The following ASAP2 variants were observed in gnomAD, a reference collection of about 807,000 sequenced individuals.
The protein encoded by ASAP2 is arf-GAP with SH3 domain, ANK repeat and PH domain-containing protein 2.
Under a neutral mutation model 131.4 loss-of-function variants are expected in ASAP2, and 45 were observed. That is an observed-to-expected ratio of 0.34 (90% CI 0.27 to 0.44). The LOEUF is 0.44. Among genes scored for constraint, ASAP2 ranks in the 20% least tolerant of loss-of-function variants. ASAP2 has a pLI of 1.00. For synonymous variants in ASAP2, 510 were observed against 503.0 expected, an observed-to-expected ratio of 1.01 and a Z score of -0.19; for missense variants, 1,011 against 1,297.0, an observed-to-expected ratio of 0.78 and a Z score of 3.39.
chr2:9,356,260 C>T lies in ASAP2; in HGVS notation c.1242C>T (p.Asn414=), dbSNP rs1370813232. 6.2e-7 allele frequency: 1 copy of T among 1,614,030 alleles called. No individual in the cohort carries two copies. The highest frequency in any genetic ancestry group is 1.7e-5 in the Admixed American group (1 of 60,006). The change falls in exon 14 of 28, where the codon AAC becomes AAT. Residue 414 remains asparagine (N), a synonymous_variant. Transcript: ENST00000281419. ...FKGDDNTGEN[N]IVQELTKEII... ...GGGATGACAATACTGGAGAAAATAA[C>T]ATCGTCCAAGAACTGACAAAGGAGA...
chr2:9,226,144 G>A (rs773219228), intron 1 of ASAP2, among the ~76,000 whole-genome samples: 2 of 152,196 alleles, frequency 1.3e-5, no homozygotes, highest in Non-Finnish European at 2.9e-5. Context: ...GTTGTTTGAA[G>A]TCCCACAGCT....
At chr2:9,285,445 A>G (rs1242759952) in intron 2 of ASAP2, among the ~76,000 whole-genome samples, 3 of 152,216 alleles carry the variant, frequency 2.0e-5, no homozygotes, top group African/African-American at 7.2e-5. Context: ...TAGTCAGTGC[A>G]TTATGTTTGC....
intron 15 of ASAP2, among the ~76,000 whole-genome samples, chr2:9,361,499 A>C (rs909655125): frequency 3.3e-5 from 5 of 151,854 alleles, no homozygotes; most frequent in African/African-American, 1.2e-4. Flanking sequence ...AAAGCTTGGA[A>C]ATTTCAAGGC....
At chr2:9,215,001 A>G (rs1661909907) in intron 1 of ASAP2, among the ~76,000 whole-genome samples, 1 of 152,192 alleles carries the variant, frequency 6.6e-6, no homozygotes, top group South Asian at 2.1e-4. Flanking sequence ...TGCATTGCTT[A>G]ATGACGAACA....
At chr2:9,321,493 G>A (rs1379888370) in intron 5 of ASAP2, among the ~76,000 whole-genome samples, 5 of 152,174 alleles carry the variant, frequency 3.3e-5, no homozygotes, top group Non-Finnish European at 7.3e-5. Flanking sequence ...GTGCCAGTTG[G>A]GTGAAATAAA....
intron 4 of ASAP2, among the ~76,000 whole-genome samples, chr2:9,318,806 G>T (rs556170557): frequency 2.0e-5 from 3 of 152,346 alleles, no homozygotes; most frequent in Admixed American, 6.5e-5. Flanking sequence ...CGTCCTGTTG[G>T]CACAACAAAG....
Position 9,313,411 on chromosome 2 carries a change from G to C in ASAP2, c.346-5113G>C, listed in dbSNP as rs542963789. 2.6e-5 allele frequency among the ~76,000 whole-genome samples: 4 copies of C among 151,964 alleles called. No individual in the cohort carries two copies. In the South Asian group the frequency reaches 8.3e-4, roughly 32 times the overall value. Reference sequence around the variant, plus strand: ...AGAATCTTGTTTTTCCCACTCACTCGTGTACATTCATGTTCATGTGTGTAC... The same window carrying C: ...AGAATCTTGTTTTTCCCACTCACTCCTGTACATTCATGTTCATGTGTGTAC... On this transcript the variant is annotated intron_variant, in intron 3 of 27. Transcript: ENST00000281419.
At chr2:9,270,905 G>A (rs1411914180) in intron 1 of ASAP2, among the ~76,000 whole-genome samples, 2 of 145,078 alleles carry the variant, frequency 1.4e-5, no homozygotes, top group African/African-American at 5.1e-5. Context: ...CCATTCTCCT[G>A]CCTCAGCCTC....
At chr2:9,231,679 CT>C (rs1572209117) in intron 1 of ASAP2, among the ~76,000 whole-genome samples, 1 of 152,184 alleles carries the variant, frequency 6.6e-6, no homozygotes, top group East Asian at 1.9e-4. Context: ...CTGCCTGGCC[CT>C]TGGGTGTCCC....
At chr2:9,253,701 C>G (rs1235265667) in intron 1 of ASAP2, among the ~76,000 whole-genome samples, 1 of 152,108 alleles carries the variant, frequency 6.6e-6, no homozygotes, top group African/African-American at 2.4e-5. Flanking sequence ...TTTTGCTTGA[C>G]CTAGTGCCCT....
intron 1 of ASAP2, among the ~76,000 whole-genome samples, chr2:9,249,667 G>A (rs569671510): frequency 2.0e-5 from 3 of 152,300 alleles, no homozygotes; most frequent in South Asian, 4.1e-4. Context: ...AAAGTTCACA[G>A]CCTGAGTGAG....
At chr2:9,379,564 G>A (rs1208045258) in intron 19 of ASAP2, among the ~76,000 whole-genome samples, 1 of 152,142 alleles carries the variant, frequency 6.6e-6, no homozygotes. Context: ...ACCCCGACAT[G>A]CCAACAGCCA....
chr2:9,365,479 G>A (rs766899460), intron 15 of ASAP2, among the ~76,000 whole-genome samples: 1 of 152,208 alleles, frequency 6.6e-6, no homozygotes. Flanking sequence ...AGGACAGGAG[G>A]TTTCCCTGCC....
intron 12 of ASAP2, among the ~76,000 whole-genome samples, chr2:9,355,352 C>T (rs1040262331): frequency 5.9e-5 from 9 of 152,108 alleles, no homozygotes; most frequent in Admixed American, 2.0e-4. Flanking sequence ...TTTGGTCAGA[C>T]TCCCCTTAAT....
At position 9,393,553 on chromosome 2, in the gene ASAP2, A is replaced by T; in HGVS notation, c.2590A>T (p.Ser864Cys). The change falls in exon 24 of 28, where the codon AGC (serine) becomes TGC (cysteine). Residue 864 changes from serine to cysteine, a missense_variant. Coordinates refer to ENST00000281419, the MANE Select transcript of ASAP2 (RefSeq NM_003887.3). ...CGTAATGGAAGCCTTGAGCCAGCCG[A>T]GCAAGCCTGCCCCGCCTGGGATCTC... ...PSVMEALSQP[S>C]KPAPPGISQI... 1 of 1,589,078 alleles carries T rather than the reference A, an allele frequency of 6.3e-7. No homozygotes were observed.
Position 9,323,254 on chromosome 2 carries a change from A to T in ASAP2, c.600+4A>T. On this transcript the variant is annotated splice_donor_region_variant and intron_variant, in intron 6 of 27. Transcript: ENST00000281419. ...CTTCCAGCTACAGATGTGCGAGGTA[A>T]GGCGGTGGTGAAGGCAGGTCCTACA... 6.2e-7 allele frequency: 1 copy of T among 1,614,162 alleles called. No homozygotes were observed. Among genetic ancestry groups the T allele is most frequent in the Non-Finnish European group, 8.5e-7 (1 of 1,179,990 alleles).
intron 20 of ASAP2, among the ~76,000 whole-genome samples, chr2:9,383,380 G>T (rs1394613008): frequency 6.6e-6 from 1 of 151,926 alleles, no homozygotes; most frequent in Admixed American, 6.6e-5. Flanking sequence ...TCAGCCTCCC[G>T]AGTAGCTGAG....
At chr2:9,397,415 G>C (rs1268070567) in intron 24 of ASAP2, among the ~76,000 whole-genome samples, 2 of 152,184 alleles carry the variant, frequency 1.3e-5, no homozygotes, top group Non-Finnish European at 2.9e-5. Context: ...AAGGGAAGCA[G>C]GGCAAGTGAG....
intron 24 of ASAP2, among the ~76,000 whole-genome samples, chr2:9,394,904 G>T (rs1011603111): frequency 2.6e-4 from 39 of 152,198 alleles, no homozygotes; most frequent in African/African-American, 9.2e-4. Flanking sequence ...GGGGGTTACG[G>T]TCAGAGTCTC....
Sources: gnomAD v4.1 joint callset for allele counts (sites outside exome capture counted in the v4.1 genomes callset) on GRCh38, gnomAD v4.1.1 for gene constraint, MANE v1.5 for transcripts, NCBI Gene and HGNC (gene_info 2026-07-23, HGNC 2026-07-21) for gene names.